The following INTS1 variants were observed in gnomAD, a reference collection of about 807,000 sequenced individuals.
The protein encoded by INTS1 is integrator complex subunit 1.
In INTS1, 137 loss-of-function variants were observed where a neutral mutation model predicts 241.6. The ratio of observed to expected loss-of-function variants is 0.57; its 90% CI spans 0.49 to 0.65. The LOEUF is 0.65. INTS1 is among the 30% of genes least tolerant of loss of function. INTS1 has a pLI of 0.00. For synonymous variants in INTS1, 1,692 were observed against 1,337.8 expected (o/e 1.26, Z -5.78); for missense variants, 3,073 against 3,032.2 (o/e 1.01, Z -0.32).
Position 1,482,567 on chromosome 7 carries a change from C to T in INTS1, c.3682G>A (p.Val1228Met), listed in dbSNP as rs752433969. Residue 1228 changes from valine to methionine, a missense_variant, in exon 27 of 48, where the codon GTG becomes ATG. Coordinates refer to ENST00000404767, the MANE Select transcript of INTS1 (RefSeq NM_001080453.3). Reference sequence around the variant, plus strand: ...GTACCGGCGTCCACCAGGCGGAGCACCTCAGAACGGATCATGCGCAGCTTC... The same window carrying T: ...GTACCGGCGTCCACCAGGCGGAGCATCTCAGAACGGATCATGCGCAGCTTC... ...WLKLRMIRSE[V>M]LRLVDAALQD... is the part of the protein sequence containing the mutation. The T allele has an allele frequency of 6.2e-7, 1 of 1,612,638 alleles. No individual in the cohort carries two copies. Among genetic ancestry groups the T allele is most frequent in the Non-Finnish European group, 8.5e-7 (1 of 1,179,758 alleles).
In INTS1 at chr7:1,476,804, G is replaced by C; in HGVS notation, c.5053C>G (p.Arg1685Gly). ...QCIRVLLGKS[R>G]EQRFDPSASL... is the part of the protein sequence containing the mutation. ...CAGGGAGGCGCCCACCTCTGTTCCCGGCTCTTGCCCAGCAGGACTCGGATG... is the reference window on the plus strand; with the variant it reads ...CAGGGAGGCGCCCACCTCTGTTCCCCGCTCTTGCCCAGCAGGACTCGGATG... Residue 1685 changes from arginine to glycine, a missense_variant, in exon 36 of 48, where the codon CGG (arginine) becomes GGG (glycine). Arg to Gly is a moderately radical substitution (Grantham distance 125). Transcript: ENST00000404767. 4 of 1,612,876 alleles carry C rather than the reference G, an allele frequency of 2.5e-6. No individual in the cohort carries two copies. Among genetic ancestry groups the C allele is most frequent in the Non-Finnish European group, 3.4e-6 (4 of 1,179,868 alleles).
rs756634300 is a variant in INTS1, at chr7:1,482,699, T to C, written c.3550A>G (p.Ser1184Gly). The change falls in exon 27 of 48, where the codon AGC (serine) becomes GGC (glycine). Residue 1184 changes from serine (S) to glycine (G), a missense_variant. Physicochemically the swap from Ser to Gly is moderately conservative, Grantham distance 56. Transcript: ENST00000404767. ...ATGTCCAGCAGCGCCTGGAACTCGCTGTCGTCGGCTTCAGGAAGGACAACG... is the reference window on the plus strand; with the variant it reads ...ATGTCCAGCAGCGCCTGGAACTCGCCGTCGTCGGCTTCAGGAAGGACAACG... Reference protein sequence around the residue: ...LTLGPPRADDSEFQALLDIWF... With the variant: ...LTLGPPRADDGEFQALLDIWF... 16 of 1,612,484 alleles carry C rather than the reference T, an allele frequency of 9.9e-6. No individual in the cohort carries two copies. The highest frequency in any genetic ancestry group is 1.6e-4 in the Middle Eastern group (1 of 6,082).
chr7:1,472,420 G>A lies in INTS1; in HGVS notation c.6071-34C>T, dbSNP rs375228110. The A allele has an allele frequency of 3.5e-6, 5 of 1,448,100 alleles. No individual in the cohort carries two copies. The Admixed American group carries it at 1.1e-4, about 30-fold the overall frequency. The allele number at this position is 1,448,100 out of a possible 1,614,324, so 89.7% of individuals were successfully genotyped here. ...CAGTGGCAGTGCTGCAGGAGGGCGG[G>A]AGCGGCAGGACGTGCCACACTGAGG... On this transcript the variant is annotated intron_variant, in intron 43 of 47. Transcript: ENST00000404767.
rs949307606 is a variant in INTS1 at position 1,493,483 on chromosome 7, C to T, written c.2068+271G>A. Among the ~76,000 whole-genome samples the T allele has an allele frequency of 2.0e-5, 3 of 151,992 alleles. No homozygotes were observed. The highest frequency in any genetic ancestry group is 4.8e-5 in the African/African-American group (2 of 41,376). ...GGAGGTGACAGACAGGAAATCTGGC[C>T]GTGGCCAAATCACACCGAGAATGCC... On this transcript the variant is annotated intron_variant, in intron 15 of 47. Coordinates refer to ENST00000404767, the MANE Select transcript of INTS1 (RefSeq NM_001080453.3). This position sits in a 1 kb window ranked among gnomAD's most constrained non-coding sequence, Gnocchi z 5.3.
chr7:1,486,955 G>A lies in INTS1; in HGVS notation c.2793C>T (p.Gly931=), dbSNP rs751597790. The change falls in exon 21 of 48, where the codon GGC becomes GGT. Residue 931 remains glycine (G), a synonymous_variant. Transcript: ENST00000404767. ...DAASGEEDDE[G]ESKEQKAKKR... ...TCTTGGCCTTCTGCTCCTTGCTCTC[G>A]CCCTCGTCGTCCTCCTCCCCGGAAG... 32 of 1,607,074 alleles carry A rather than the reference G, an allele frequency of 2.0e-5. No homozygotes were observed. The highest frequency in any genetic ancestry group is 1.2e-4 in the South Asian group (11 of 90,788).
In INTS1 at chr7:1,473,189, G is replaced by A. The variant is rs1562484103; in HGVS notation, c.5958-5C>T. On this transcript the variant is annotated splice_polypyrimidine_tract_variant and splice_region_variant and intron_variant, in intron 42 of 47. Transcript: ENST00000404767. ...CTGTTGTCGAAGGACAGGTCGCTGG[G>A]GAGAGAAGATGCTTTCACCTGGGAG... 6.3e-7 allele frequency: 1 copy of A among 1,599,270 alleles called. No individual in the cohort carries two copies. Among genetic ancestry groups the A allele is most frequent in the South Asian group, 1.1e-5 (1 of 90,470 alleles).
chr7:1,477,110 G>A (rs1416168990), intron 35 of INTS1, among the ~76,000 whole-genome samples, 192 bp from the exon 36 acceptor site: 66 of 152,200 alleles, frequency 4.3e-4, no homozygotes, highest in Non-Finnish European at 2.5e-4. Context: ...CCCTTCCCAC[G>A]GGAGCCATGC....
At chr7:1,474,913 A>G (rs1781640691) in intron 39 of INTS1, 75 bp from the exon 40 acceptor site, 2 of 1,507,244 alleles carry the variant, frequency 1.3e-6, no homozygotes. Flanking sequence ...CCTGGCCGCC[A>G]GCTGTGGCCG....
At chr7:1,486,405 A>G (rs1247258465) in intron 22 of INTS1, among the ~76,000 whole-genome samples, 1 of 151,666 alleles carries the variant, frequency 6.6e-6, no homozygotes, top group Non-Finnish European at 1.5e-5. Context: ...CTGGGATTAC[A>G]GGCCCCCTCC....
chr7:1,493,799 G>T lies in INTS1; in HGVS notation c.2023C>A (p.Leu675Ile). Reference sequence around the variant, plus strand: ...GCCCGCTTCACCAGGTGGTCAGCAAGCTCCATGGCGTCCGCAGGCCCGAGC... The same window carrying T: ...GCCCGCTTCACCAGGTGGTCAGCAATCTCCATGGCGTCCGCAGGCCCGAGC... The part of the protein sequence containing the change: ...LPLGPADAME[L>I]ADHLVKRAAA... The change falls in exon 15 of 48, where the codon CTT becomes ATT. Residue 675 changes from leucine to isoleucine, a missense_variant. Coordinates refer to ENST00000404767, the MANE Select transcript of INTS1 (RefSeq NM_001080453.3). The surrounding 1 kb of genome is among the most constrained non-coding windows in gnomAD (Gnocchi z 5.3). 1 of 1,578,286 alleles carries T rather than the reference G, an allele frequency of 6.3e-7. No individual in the cohort carries two copies. The highest frequency in any genetic ancestry group is 1.2e-5 in the South Asian group (1 of 86,016).
chr7:1,495,585 C>A (rs754868369), intron 12 of INTS1, 32 bp from the exon 13 acceptor site: 2 of 1,592,684 alleles, frequency 1.3e-6, no homozygotes, highest in Admixed American at 1.7e-5. Context: ...GTGGCCCATC[C>A]GAGCCATGGG....
chr7:1,492,047 C>T (rs112267206), intron 16 of INTS1, among the ~76,000 whole-genome samples: 14,813 of 152,162 alleles, frequency 0.097, 1,013 homozygotes, highest in Non-Finnish European at 0.14. Context: ...GGGACGCAAG[C>T]GGGAACTCAA....
rs747846811 is a variant in INTS1 at position 1,476,463 on chromosome 7, G to A, written c.5152-8C>T. The A allele has an allele frequency of 5.9e-6, 9 of 1,518,336 alleles. No homozygotes were observed. Among genetic ancestry groups the A allele is most frequent in the East Asian group, 2.7e-5 (1 of 36,920 alleles). 94.1% of individuals were successfully genotyped at this position (1,518,336 alleles called of 1,614,324 possible). A position where few individuals can be genotyped will look rare whatever the true frequency, so the allele number is the denominator to read the frequency against. ...CAGCTCCTCCCGCCGCTTCTGTAAC[G>A]GGTGCCTGCATCAGCCCCGGAGCAC... On this transcript the variant is annotated splice_region_variant and splice_polypyrimidine_tract_variant and intron_variant, in intron 37 of 47. Transcript: ENST00000404767.
chr7:1,496,043 G>T, intron 12 of INTS1, 113 bp downstream of exon 12: 1 of 752,580 alleles, frequency 1.3e-6, no homozygotes, highest in Admixed American at 2.5e-5. Context: ...GCCGTGCTGC[G>T]GGACCGCTCC....
chr7:1,476,528 G>A (rs1422052604), intron 37 of INTS1, 42 bp downstream of exon 37: 2 of 1,610,588 alleles, frequency 1.2e-6, no homozygotes, highest in African/African-American at 2.7e-5. Flanking sequence ...CTCCCGGATG[G>A]GCCACCCCCT....
At chr7:1,472,469 G>T in intron 43 of INTS1, 83 bp from the exon 44 acceptor site, 1 of 988,762 alleles carries the variant, frequency 1.0e-6, no homozygotes, top group Non-Finnish European at 1.5e-6. Context: ...CCTCCCGAGA[G>T]CACGGCGGCC....
At chr7:1,474,894 C>G in intron 39 of INTS1, 56 bp from the exon 40 acceptor site, 2 of 1,528,072 alleles carry the variant, frequency 1.3e-6, no homozygotes, top group African/African-American at 1.4e-5. Flanking sequence ...CTTGCCCACC[C>G]ACACTCAGCC....
intron 47 of INTS1, 62 bp from the exon 48 acceptor site, chr7:1,470,754 G>A: frequency 6.8e-7 from 1 of 1,474,102 alleles, no homozygotes; most frequent in East Asian, 2.5e-5. Flanking sequence ...GCAGTGACCA[G>A]ACCTCGGGAC....
chr7:1,497,412 C>T lies in INTS1; in HGVS notation c.1426-98G>A. On this transcript the variant is annotated intron_variant, in intron 10 of 47. Transcript: ENST00000404767. The surrounding 1 kb of genome is among the most constrained non-coding windows in gnomAD (Gnocchi z 5.3). ...CCAACAGGTATGGCGCCCGAGGGCG[C>T]TGCAGTGGGTCTCAGACAGTGTGGG... The T allele has an allele frequency of 1.5e-6, 2 of 1,305,356 alleles. No individual in the cohort carries two copies. Among genetic ancestry groups the T allele is most frequent in the Non-Finnish European group, 1.0e-6 (1 of 963,988 alleles). 80.9% of individuals were successfully genotyped at this position (1,305,356 alleles called of 1,614,324 possible).
Sources: allele counts gnomAD v4.1 joint callset (sites outside exome capture counted in the v4.1 genomes callset), GRCh38; gene constraint gnomAD v4.1.1; non-coding constraint Gnocchi (gnomAD v3.1); transcripts MANE v1.5; gene names NCBI Gene and HGNC (gene_info 2026-07-23, HGNC 2026-07-21).